OPRD1: variants seen among roughly 807,000 people sequenced by gnomAD.
The protein encoded by OPRD1 is delta-type opioid receptor.
In OPRD1, 19 loss-of-function variants were observed where a neutral mutation model predicts 17.5. The ratio of observed to expected loss-of-function variants is 1.09; its 90% CI spans 0.76 to 1.60. The LOEUF (loss-of-function observed/expected upper bound fraction) is 1.60, where lower values mean the gene tolerates loss of function less well. Among genes scored for constraint, OPRD1 ranks in the 40% most tolerant of loss-of-function variants. The pLI, the probability that OPRD1 is intolerant of heterozygous loss-of-function variation, is 0.00. For missense variants in OPRD1, 483 were observed against 547.2 expected (o/e 0.88, Z 1.17); for synonymous variants, 256 against 240.9 (o/e 1.06, Z -0.58).
chr1:28,836,474 C>T (rs181197875), intron 1 of OPRD1, among the ~76,000 whole-genome samples: 262 of 150,050 alleles, frequency 1.7e-3, no homozygotes, highest in African/African-American at 6.3e-3. Context: ...CGCGCCACTA[C>T]ACTCCAGCCT....
intron 1 of OPRD1, among the ~76,000 whole-genome samples, chr1:28,813,535 T>A (rs2124253657): frequency 6.6e-6 from 1 of 152,242 alleles, no homozygotes; most frequent in Non-Finnish European, 1.5e-5. Context: ...TTCTTGGAGT[T>A]TATGGAGAGT....
At chr1:28,832,524 G>A (rs2124269455) in intron 1 of OPRD1, among the ~76,000 whole-genome samples, 1 of 152,234 alleles carries the variant, frequency 6.6e-6, no homozygotes, top group East Asian at 1.9e-4. Context: ...GGCTGAGGTG[G>A]GAGAATTGTT....
intron 1 of OPRD1, among the ~76,000 whole-genome samples, chr1:28,847,392 G>A (rs2088963605): frequency 1.3e-5 from 2 of 152,150 alleles, no homozygotes; most frequent in Admixed American, 1.3e-4. Context: ...CCTCAGAGGT[G>A]ACAGGACCAG....
At position 28,862,971 on chromosome 1, in the gene OPRD1, C is replaced by T. The variant is rs118175398; in HGVS notation, c.807C>T (p.Ala269=). 4,994 of 1,611,768 alleles carry T rather than the reference C, an allele frequency of 3.1e-3. 191 individuals are homozygous for T. The East Asian group carries it at 0.088, about 28-fold the overall frequency. The change falls in exon 3 of 3, where the codon GCC becomes GCT. Residue 269 remains alanine, a synonymous_variant. Coordinates refer to ENST00000234961, the MANE Select transcript of OPRD1 (RefSeq NM_000911.4). ...ITRMVLVVVG[A]FVVCWAPIHI... ...GCATGGTGCTGGTGGTTGTGGGCGC[C>T]TTCGTGGTGTGTTGGGCGCCCATCC...
chr1:28,813,337 C>A (rs75662667), intron 1 of OPRD1, among the ~76,000 whole-genome samples: 7,545 of 152,284 alleles, frequency 0.05, 224 homozygotes, highest in Middle Eastern at 0.099. Context: ...GTTCTCTGTT[C>A]CCTTCGCCAG....
At chr1:28,848,108 C>T (rs1403033683) in intron 1 of OPRD1, among the ~76,000 whole-genome samples, 1 of 151,826 alleles carries the variant, frequency 6.6e-6, no homozygotes, top group Non-Finnish European at 1.5e-5. Context: ...ATTAGCCGGG[C>T]GGGATGGCGG....
intron 1 of OPRD1, among the ~76,000 whole-genome samples, chr1:28,835,281 C>CG (rs2088842662): frequency 6.6e-6 from 1 of 152,136 alleles, no homozygotes; most frequent in Admixed American, 6.5e-5. Flanking sequence ...CCCTGGCTGC[C>CG]ATGAGTGTGT....
At chr1:28,839,215 T>C (rs530743488) in intron 1 of OPRD1, among the ~76,000 whole-genome samples, 137 of 152,276 alleles carry the variant, frequency 9.0e-4, no homozygotes, top group Non-Finnish European at 1.5e-3. Context: ...GGAGAATCTT[T>C]CCTTGCTTCT....
chr1:28,823,487 C>T (rs1242184269), intron 1 of OPRD1, among the ~76,000 whole-genome samples: 1 of 152,044 alleles, frequency 6.6e-6, no homozygotes, highest in East Asian at 1.9e-4. Flanking sequence ...ACCTCCGCCT[C>T]CTGGGTTCAA....
chr1:28,817,101 G>A (rs1326065292), intron 1 of OPRD1, among the ~76,000 whole-genome samples: 2 of 152,092 alleles, frequency 1.3e-5, no homozygotes, highest in Non-Finnish European at 2.9e-5. Flanking sequence ...TCCATGAGAC[G>A]CCTTCAGCCT....
Position 28,867,537 on chromosome 1 carries a change from T to C in OPRD1, c.*4254T>C, listed in dbSNP as rs548870661. 6.6e-6 allele frequency: 1 copy of C among 151,952 alleles called. No homozygotes were observed. The highest frequency in any genetic ancestry group is 1.9e-4 in the East Asian group (1 of 5,154). 9.4% of individuals were successfully genotyped at this position (151,952 alleles called of 1,614,324 possible). A position where few individuals can be genotyped will look rare whatever the true frequency, so the allele number is the denominator to read the frequency against. On this transcript the variant is annotated 3_prime_UTR_variant, in exon 3 of 3. Coordinates refer to ENST00000234961, the MANE Select transcript of OPRD1 (RefSeq NM_000911.4). The stretch of plus-strand genomic sequence containing the variant: ...TTTTTTTTCAATAGAGACCAGAGTG[T>C]CTCTGTGTTGCCCAGACTGGTCTTG...
intron 1 of OPRD1, among the ~76,000 whole-genome samples, chr1:28,834,642 G>C (rs374065438): frequency 1.3e-5 from 2 of 151,644 alleles, no homozygotes; most frequent in African/African-American, 2.4e-5. Flanking sequence ...GGACTCCCAA[G>C]GTGCTGGGAT....
chr1:28,820,124 A>G (rs2088700111), intron 1 of OPRD1, among the ~76,000 whole-genome samples: 1 of 151,680 alleles, frequency 6.6e-6, no homozygotes, highest in South Asian at 2.1e-4. Flanking sequence ...AATTATGACT[A>G]TTTAGAAGAG....
In OPRD1 at chr1:28,859,108, G is replaced by T; in HGVS notation, c.382G>T (p.Asp128Tyr). The change falls in exon 2 of 3, where the codon GAC becomes TAC. Residue 128 changes from aspartate to tyrosine, a missense_variant. Coordinates refer to ENST00000234961, the MANE Select transcript of OPRD1 (RefSeq NM_000911.4). ...GCTCTGCAAGGCTGTGCTCTCCATCGACTACTACAATATGTTCACCAGCAT... is the reference window on the plus strand; with the variant it reads ...GCTCTGCAAGGCTGTGCTCTCCATCTACTACTACAATATGTTCACCAGCAT... ...ELLCKAVLSIDYYNMFTSIFT... is the reference protein window; with the variant it reads ...ELLCKAVLSIYYYNMFTSIFT... 6.2e-7 allele frequency: 1 copy of T among 1,614,160 alleles called. No homozygotes were observed. Among genetic ancestry groups the T allele is most frequent in the South Asian group, 1.1e-5 (1 of 91,068 alleles).
intron 1 of OPRD1, among the ~76,000 whole-genome samples, chr1:28,848,344 C>T (rs977039497): frequency 3.3e-5 from 5 of 152,134 alleles, no homozygotes; most frequent in African/African-American, 4.8e-5. Flanking sequence ...GTTCATAGCA[C>T]ACCTCCTCAG....
Position 28,863,714 on chromosome 1 carries a change from G to A in OPRD1, c.*431G>A, listed in dbSNP as rs1178380350. ...CCGGGCCCAGGACCCAGAAAGGGCA[G>A]TGGTGGGGACAGTTGCTTGAAAACT... is the stretch of plus-strand genomic sequence containing the variant. On this transcript the variant is annotated 3_prime_UTR_variant, in exon 3 of 3. Coordinates refer to ENST00000234961, the MANE Select transcript of OPRD1 (RefSeq NM_000911.4). The A allele has an allele frequency of 1.8e-5, 3 of 170,114 alleles. No homozygotes were observed. The highest frequency in any genetic ancestry group is 3.8e-4 in the South Asian group (2 of 5,200). The allele number at this position is 170,114 out of a possible 1,614,324, so 10.5% of individuals were successfully genotyped here. A position where few individuals can be genotyped will look rare whatever the true frequency, so the allele number is the denominator to read the frequency against.
At position 28,854,657 on chromosome 1, in the gene OPRD1, C is replaced by CT. The variant is rs200854418; in HGVS notation, c.228-4284dup. 4.9e-3 allele frequency among the ~76,000 whole-genome samples: 707 copies of CT among 143,848 alleles called. 2 individuals carry two copies. The highest frequency in any genetic ancestry group is 8.9e-3 in the African/African-American group (352 of 39,374). The allele number at this position is 143,848 out of a possible 152,430, so 94.4% of individuals were successfully genotyped here. On this transcript the variant is annotated intron_variant, in intron 1 of 2. Coordinates refer to ENST00000234961, the MANE Select transcript of OPRD1 (RefSeq NM_000911.4). ...ATCACAGATGTCTCTTGTGAGCCTGCTTTTTTTTTTTTTGAGACAGAGTCT... is the reference window on the plus strand; with the variant it reads ...ATCACAGATGTCTCTTGTGAGCCTGCTTTTTTTTTTTTTTGAGACAGAGTCT...
Position 28,863,080 on chromosome 1 carries a change from C to G in OPRD1, c.916C>G (p.Leu306Val). 6.2e-7 allele frequency: 1 copy of G among 1,608,208 alleles called. No individual in the cohort carries two copies. Among genetic ancestry groups the G allele is most frequent in the Non-Finnish European group, 8.5e-7 (1 of 1,177,570 alleles). Residue 306 changes from leucine to valine, a missense_variant, in exon 3 of 3, where the codon CTG (leucine) becomes GTG (valine). Coordinates refer to ENST00000234961, the MANE Select transcript of OPRD1 (RefSeq NM_000911.4). Reference sequence around the variant, plus strand: ...GGCTGCGCTGCACCTGTGCATCGCGCTGGGCTACGCCAATAGCAGCCTCAA... The same window carrying G: ...GGCTGCGCTGCACCTGTGCATCGCGGTGGGCTACGCCAATAGCAGCCTCAA... ...VVAALHLCIALGYANSSLNPV... is the reference protein window; with the variant it reads ...VVAALHLCIAVGYANSSLNPV...
intron 1 of OPRD1, among the ~76,000 whole-genome samples, chr1:28,850,525 G>A (rs886815040): frequency 2.6e-5 from 4 of 151,868 alleles, no homozygotes; most frequent in Non-Finnish European, 5.9e-5. Context: ...GTTTCTCCAT[G>A]TTGGTCAGGC....
Sources: gnomAD v4.1 joint callset for allele counts (sites outside exome capture counted in the v4.1 genomes callset) on GRCh38, gnomAD v4.1.1 for gene constraint, MANE v1.5 for transcripts, NCBI Gene and HGNC (gene_info 2026-07-23, HGNC 2026-07-21) for gene names.